TTC28: variants seen among roughly 807,000 people sequenced by gnomAD.
TTC28 encodes the protein tetratricopeptide repeat domain 28, also known as tetratricopeptide repeat protein 28.
Under a neutral mutation model 198.0 loss-of-function variants are expected in TTC28, and 61 were observed. That is an observed-to-expected ratio of 0.31 (90% confidence interval 0.25 to 0.38). The LOEUF (loss-of-function observed/expected upper bound fraction) is 0.38, where lower values mean the gene tolerates loss of function less well. TTC28 is among the 10% of genes least tolerant of loss of function. TTC28 has a pLI of 1.00. For missense variants in TTC28, 2,678 were observed against 3,164.0 expected (o/e 0.85, Z 3.69); for synonymous variants, 1,171 against 1,297.8 (o/e 0.90, Z 2.10).
chr22:28,423,130 A>C (rs1035578890), intron 2 of TTC28, among the ~76,000 whole-genome samples: 5 of 152,264 alleles, frequency 3.3e-5, no homozygotes, highest in African/African-American at 1.2e-4. Context: ...CGTGGCTCAC[A>C]CTCATAATCC....
chr22:28,462,992 T>G lies in TTC28; in HGVS notation c.382-156349A>C, dbSNP rs189209383. On this transcript the variant is annotated intron_variant, in intron 2 of 22. Transcript: ENST00000397906. ...AGGGACAACAGTACAATAGCTTAAA[T>G]GCCCATAATTTGATACAGCAAAGAT... Among the ~76,000 whole-genome samples the G allele has an allele frequency of 1.7e-3, 263 of 152,312 alleles. 2 individuals are homozygous for G. The highest frequency in any genetic ancestry group is 6.2e-3 in the African/African-American group (256 of 41,566).
intron 5 of TTC28, among the ~76,000 whole-genome samples, chr22:28,199,383 T>TTATATATATATATATA (rs34398046): frequency 3.4e-5 from 4 of 118,500 alleles, no homozygotes; most frequent in African/African-American, 6.6e-5. Context: ...ACATTAAAAA[T>TTATATATATATATATA]TATATATATA....
chr22:28,178,177 G>A (rs1166043917), intron 5 of TTC28, among the ~76,000 whole-genome samples: 7 of 151,926 alleles, frequency 4.6e-5, no homozygotes, highest in African/African-American at 9.7e-5. Context: ...ATATCGGGCC[G>A]GGCACGGTGG....
intron 2 of TTC28, among the ~76,000 whole-genome samples, chr22:28,363,848 T>C (rs981358274): frequency 6.6e-6 from 1 of 152,186 alleles, no homozygotes; most frequent in Non-Finnish European, 1.5e-5. Context: ...ATTTCTTCCA[T>C]TTGGAATGGC....
At chr22:28,568,350 G>C (rs2050011838) in intron 2 of TTC28, among the ~76,000 whole-genome samples, 1 of 152,102 alleles carries the variant, frequency 6.6e-6, no homozygotes, top group Non-Finnish European at 1.5e-5. Context: ...TGGTTAAAAG[G>C]AAGTCCTAGC....
At chr22:28,247,083 G>A (rs942697382) in intron 5 of TTC28, among the ~76,000 whole-genome samples, 6 of 152,174 alleles carry the variant, frequency 3.9e-5, no homozygotes, top group Admixed American at 3.3e-4. Context: ...TTAAGATCAA[G>A]ATACGTGGCA....
intron 2 of TTC28, among the ~76,000 whole-genome samples, chr22:28,597,651 G>A (rs79528702): frequency 0.012 from 1,777 of 152,172 alleles, 32 homozygotes; most frequent in African/African-American, 0.04. Context: ...AGAGAAGCAC[G>A]GTTAGTGGCA....
At chr22:28,410,648 A>C (rs887849547) in intron 2 of TTC28, among the ~76,000 whole-genome samples, 7 of 152,254 alleles carry the variant, frequency 4.6e-5, no homozygotes, top group African/African-American at 1.4e-4. Flanking sequence ...AAAAGGGGGA[A>C]TAGCCAAGTA....
rs149225027 is a variant in TTC28, at chr22:28,472,260, G to C, written c.381+157292C>G. On this transcript the variant is annotated intron_variant, in intron 2 of 22. Coordinates refer to ENST00000397906, the MANE Select transcript of TTC28 (RefSeq NM_001145418.2). Reference sequence around the variant, plus strand: ...TCACTCTTCTTTTTAAAAATACATTGACATTTCTTTAGTTAAATGGTTGCT... The same window carrying C: ...TCACTCTTCTTTTTAAAAATACATTCACATTTCTTTAGTTAAATGGTTGCT... Among the ~76,000 whole-genome samples the C allele has an allele frequency of 4.2e-4, 64 of 152,044 alleles. No homozygotes were observed. The East Asian group carries it at 4.8e-3, about 11-fold the overall frequency.
intron 6 of TTC28, among the ~76,000 whole-genome samples, chr22:28,162,776 C>T (rs1709015220): frequency 6.6e-6 from 1 of 152,112 alleles, no homozygotes; most frequent in Admixed American, 6.6e-5. Flanking sequence ...TAAGAAGACG[C>T]CTGTCTCTAC....
At chr22:27,990,220 G>T in intron 20 of TTC28, 1 of 599,610 alleles carries the variant, frequency 1.7e-6, no homozygotes, top group Non-Finnish European at 2.6e-6. Context: ...GCAAGAGGCT[G>T]TGTGGCCTCC....
chr22:28,553,069 G>A (rs955055299), intron 2 of TTC28, among the ~76,000 whole-genome samples: 14 of 152,284 alleles, frequency 9.2e-5, no homozygotes, highest in African/African-American at 3.1e-4. Flanking sequence ...GATTGCAGAC[G>A]GAGTCTCGTT....
At chr22:28,027,933 T>C (rs138919541) in intron 13 of TTC28, among the ~76,000 whole-genome samples, 8 of 152,350 alleles carry the variant, frequency 5.3e-5, no homozygotes, top group Non-Finnish European at 1.0e-4. Context: ...CCAGGGAAGT[T>C]TGCACTGTTC....
At chr22:28,176,470 T>C (rs1334185645) in intron 5 of TTC28, among the ~76,000 whole-genome samples, 5 of 152,088 alleles carry the variant, frequency 3.3e-5, no homozygotes. Flanking sequence ...AAGTTACAAT[T>C]AGATGGGAGG....
Position 27,983,154 on chromosome 22 carries a change from C to G in TTC28, c.6513G>C (p.Gln2171His). The change falls in exon 23 of 23, where the codon CAG becomes CAC. Residue 2171 changes from glutamine (Q) to histidine (H), a missense_variant. Transcript: ENST00000397906. ...GACGCTCCACCGCAATGAGATGACT[C>G]TGTGTCTCCTCCAGAATTTTCTGGG... The part of the protein sequence containing the change: ...ELAQKILEET[Q>H]SHLIAVERLQ... The G allele has an allele frequency of 4.5e-6, 7 of 1,551,844 alleles. No homozygotes were observed. The highest frequency in any genetic ancestry group is 6.1e-6 in the Non-Finnish European group (7 of 1,147,038).
intron 6 of TTC28, among the ~76,000 whole-genome samples, chr22:28,138,546 T>C (rs1014820558): frequency 1.3e-5 from 2 of 152,222 alleles, no homozygotes; most frequent in Non-Finnish European, 2.9e-5. Context: ...CATTCCTCCA[T>C]CTGCATGGAT....
At position 27,982,731 on chromosome 22, in the gene TTC28, G is replaced by C. The variant is rs1937065100; in HGVS notation, c.6936C>G (p.His2312Gln). The C allele has an allele frequency of 1.9e-6, 3 of 1,551,636 alleles. No homozygotes were observed. Among genetic ancestry groups the C allele is most frequent in the Non-Finnish European group, 2.6e-6 (3 of 1,146,952 alleles). Residue 2312 changes from histidine (H) to glutamine (Q), a missense_variant, in exon 23 of 23, where the codon CAC becomes CAG. His to Gln is a conservative substitution (Grantham distance 24). Transcript: ENST00000397906. This position sits in a 1 kb window ranked among gnomAD's most constrained non-coding sequence, Gnocchi z 5.2. Reference sequence around the variant, plus strand: ...AGGGTGCACTGCCAGCAGGAGACTGGTGGCCGGAGCTTGGGGACATGTTCC... The same window carrying C: ...AGGGTGCACTGCCAGCAGGAGACTGCTGGCCGGAGCTTGGGGACATGTTCC... ...SPRNMSPSSG[H>Q]QSPAGSAPSP...
chr22:28,175,183 G>C (rs1456600029), intron 5 of TTC28, among the ~76,000 whole-genome samples: 1 of 152,098 alleles, frequency 6.6e-6, no homozygotes, highest in African/African-American at 2.4e-5. Context: ...CACTGAAAAA[G>C]CTTCATGATA....
At chr22:28,383,966 C>T (rs1003969963) in intron 2 of TTC28, among the ~76,000 whole-genome samples, 2 of 152,212 alleles carry the variant, frequency 1.3e-5, no homozygotes, top group Non-Finnish European at 2.9e-5. Flanking sequence ...CCCTAAACAA[C>T]TTATTTGACT....
Sources: gnomAD v4.1 joint callset for allele counts (sites outside exome capture counted in the v4.1 genomes callset) on GRCh38, gnomAD v4.1.1 for gene constraint, Gnocchi (gnomAD v3.1) non-coding constraint, MANE v1.5 for transcripts, NCBI Gene and HGNC (gene_info 2026-07-23, HGNC 2026-07-21) for gene names.